The following HIBCH variants were observed in gnomAD, a reference collection of about 807,000 sequenced individuals.
The protein encoded by HIBCH is 3-hydroxyisobutyryl-CoA hydrolase, also known as 3-hydroxyisobutyryl-CoA hydrolase, mitochondrial.
In HIBCH, 50 loss-of-function variants were observed where a neutral mutation model predicts 58.2. That is an observed-to-expected ratio of 0.86 (90% CI 0.68 to 1.09). HIBCH has a LOEUF of 1.09. Among genes scored for constraint, HIBCH ranks in the 50% least tolerant of loss-of-function variants. HIBCH has a pLI of 0.00. For synonymous variants in HIBCH, 151 were observed against 146.9 expected, an observed-to-expected ratio of 1.03 and a Z score of -0.20; for missense variants, 450 against 449.7, an observed-to-expected ratio of 1.00 and a Z score of -0.01.
intron 11 of HIBCH, among the ~76,000 whole-genome samples, chr2:190,232,359 C>T (rs531527632): frequency 2.0e-5 from 3 of 152,302 alleles, no homozygotes; most frequent in Admixed American, 2.0e-4. Flanking sequence ...AGATTCAACA[C>T]CTACTTCCCT....
chr2:190,235,989 C>T (rs1408197069), intron 11 of HIBCH, among the ~76,000 whole-genome samples: 2 of 152,140 alleles, frequency 1.3e-5, no homozygotes, highest in Non-Finnish European at 2.9e-5. Context: ...ATATGAAATA[C>T]TTTGTCATAG....
intron 9 of HIBCH, among the ~76,000 whole-genome samples, chr2:190,248,687 C>A (rs969370719): frequency 1.3e-5 from 2 of 151,932 alleles, no homozygotes; most frequent in African/African-American, 4.8e-5. Flanking sequence ...CATGGTGAAA[C>A]CCTGTCTCTA....
chr2:190,233,465 G>A (rs1167415634), intron 11 of HIBCH, among the ~76,000 whole-genome samples: 2 of 152,152 alleles, frequency 1.3e-5, no homozygotes, highest in Non-Finnish European at 2.9e-5. Context: ...ATAAAAAGGA[G>A]TTTCCCTGCA....
intron 11 of HIBCH, among the ~76,000 whole-genome samples, chr2:190,227,495 A>G (rs1001984742): frequency 6.6e-6 from 1 of 152,232 alleles, no homozygotes; most frequent in Admixed American, 6.5e-5. Flanking sequence ...AATACCATTC[A>G]GGCCATAGGC....
chr2:190,196,539 C>CTT (rs1689986753), intron 1 of HIBCH, among the ~76,000 whole-genome samples: 1 of 142,294 alleles, frequency 7.0e-6, no homozygotes. Flanking sequence ...TTTTTTTTCC[C>CTT]TTGATTATGG....
At position 190,236,377 on chromosome 2, in the gene HIBCH, T is replaced by A. The variant is rs1453123169; in HGVS notation, c.891+8510A>T. Among the ~76,000 whole-genome samples the A allele has an allele frequency of 6.6e-6, 1 of 152,262 alleles. No individual in the cohort carries two copies. Among genetic ancestry groups the A allele is most frequent in the East Asian group, 1.9e-4 (1 of 5,202 alleles). ...TATACTCTGTTAGTTTTTAATTTTT[T>A]AAGCTAGTTTAAATCAAACATATTT... On this transcript the variant is annotated intron_variant, in intron 11 of 13. Transcript: ENST00000359678. The surrounding 1 kb of genome is among the most constrained non-coding windows in gnomAD (Gnocchi z 4.1).
intron 11 of HIBCH, among the ~76,000 whole-genome samples, chr2:190,232,685 A>T (rs1421839900): frequency 6.6e-6 from 1 of 152,188 alleles, no homozygotes; most frequent in Non-Finnish European, 1.5e-5. Context: ...GAGGCCGGGC[A>T]TGGTGGCTCA....
intron 11 of HIBCH, among the ~76,000 whole-genome samples, chr2:190,235,695 C>CT (rs1387656837): frequency 3.3e-5 from 5 of 152,170 alleles, no homozygotes; most frequent in African/African-American, 1.2e-4. Context: ...AAACATTTGT[C>CT]TAAGTATGTG....
intron 7 of HIBCH, among the ~76,000 whole-genome samples, chr2:190,255,752 C>T (rs968739707): frequency 6.6e-6 from 1 of 151,954 alleles, no homozygotes; most frequent in African/African-American, 2.4e-5. Flanking sequence ...CAACAGAGTA[C>T]CAGAGCGGAG....
At position 190,204,964 on chromosome 2, in the gene HIBCH, T is replaced by C. The variant is rs561270878; in HGVS notation, c.*153A>G. ...TTCTGATAATTTTCACGTCATGAATTATTAGTCTTTGATTTCTTTTCCCAA... is the reference window on the plus strand; with the variant it reads ...TTCTGATAATTTTCACGTCATGAATCATTAGTCTTTGATTTCTTTTCCCAA... On this transcript the variant is annotated 3_prime_UTR_variant, in exon 14 of 14. Transcript: ENST00000359678. 7 of 656,184 alleles carry C rather than the reference T, an allele frequency of 1.1e-5. No homozygotes were observed. The East Asian group carries it at 1.7e-4, about 15-fold the overall frequency. 40.6% of individuals were successfully genotyped at this position (656,184 alleles called of 1,614,324 possible). A position where few individuals can be genotyped will look rare whatever the true frequency, so the allele number is the denominator to read the frequency against.
Position 190,252,215 on chromosome 2 carries a change from C to G in HIBCH, c.610G>C (p.Gly204Arg). The G allele has an allele frequency of 6.2e-7, 1 of 1,613,918 alleles. No individual in the cohort carries two copies. The highest frequency in any genetic ancestry group is 8.5e-7 in the Non-Finnish European group (1 of 1,179,818). ...ATTCCTGCTCTGTACACATCTCTTC[C>G]TTTTAGTCTGAATCCTGTTAATGCA... The part of the protein sequence containing the change: ...FLALTGFRLK[G>R]RDVYRAGIAT... Residue 204 changes from glycine to arginine, a missense_variant, in exon 8 of 14, where the codon GGA becomes CGA. Gly to Arg is a moderately radical substitution (Grantham distance 125). Coordinates refer to ENST00000359678, the MANE Select transcript of HIBCH (RefSeq NM_014362.4).
intron 11 of HIBCH, among the ~76,000 whole-genome samples, chr2:190,244,160 C>CACACAT (rs1559030427): frequency 6.6e-6 from 1 of 151,520 alleles, no homozygotes; most frequent in African/African-American, 2.4e-5. Flanking sequence ...CACACACACA[C>CACACAT]ATATATATAC....
intron 11 of HIBCH, among the ~76,000 whole-genome samples, chr2:190,229,059 G>A (rs1686012482): frequency 6.6e-6 from 1 of 152,116 alleles, no homozygotes; most frequent in Non-Finnish European, 1.5e-5. Context: ...AAGTCTCCCA[G>A]AACACCCAAT....
chr2:190,272,847 G>T (rs550089640), intron 6 of HIBCH, among the ~76,000 whole-genome samples: 1 of 152,008 alleles, frequency 6.6e-6, no homozygotes, highest in South Asian at 2.1e-4. Context: ...GGGCTAAAGG[G>T]TAGATGGAAA....
In HIBCH at chr2:190,290,445, T is replaced by C. The variant is rs146755564; in HGVS notation, c.345A>G (p.Pro115=). ...GCATATATTCTTCTCTGAAGAAAAC[T>C]GGAGCTATCTTCTGTTTTGCCTTTT... ...EAEKAKQKIA[P]VFFREEYMLN... Residue 115 remains proline, a synonymous_variant, in exon 5 of 14, where the codon CCA becomes CCG. Coordinates refer to ENST00000359678, the MANE Select transcript of HIBCH (RefSeq NM_014362.4). 4.3e-6 allele frequency: 7 copies of C among 1,612,118 alleles called. No individual in the cohort carries two copies. The Admixed American group carries it at 6.7e-5, about 15-fold the overall frequency.
At chr2:190,294,847 C>G (rs1355596166) in intron 3 of HIBCH, among the ~76,000 whole-genome samples, 1 of 152,084 alleles carries the variant, frequency 6.6e-6, no homozygotes, top group Non-Finnish European at 1.5e-5. Flanking sequence ...GAGGCTATTT[C>G]AAAAATGTTG....
At chr2:190,228,257 T>A (rs887282485) in intron 11 of HIBCH, among the ~76,000 whole-genome samples, 1 of 152,058 alleles carries the variant, frequency 6.6e-6, no homozygotes, top group East Asian at 1.9e-4. Context: ...TGTAGGGACA[T>A]GGATGAAGCT....
At position 190,206,218 on chromosome 2, in the gene HIBCH, A is replaced by G. The variant is rs1396607776; in HGVS notation, c.1046-986T>C. ...CTTTTACATACAATTAAATGCAGATACGGGAGGTTTGTTTTTAAGATTTAA... is the reference window on the plus strand; with the variant it reads ...CTTTTACATACAATTAAATGCAGATGCGGGAGGTTTGTTTTTAAGATTTAA... On this transcript the variant is annotated intron_variant, in intron 13 of 13. Coordinates refer to ENST00000359678, the MANE Select transcript of HIBCH (RefSeq NM_014362.4). The surrounding 1 kb of genome is among the most constrained non-coding windows in gnomAD (Gnocchi z 5.1). Among the ~76,000 whole-genome samples, 1 of 152,216 alleles carries G rather than the reference A, an allele frequency of 6.6e-6. No homozygotes were observed. Among genetic ancestry groups the G allele is most frequent in the Middle Eastern group, 3.2e-3 (1 of 316 alleles).
chr2:190,229,677 A>C (rs1433407315), intron 11 of HIBCH, among the ~76,000 whole-genome samples: 1 of 152,226 alleles, frequency 6.6e-6, no homozygotes, highest in Non-Finnish European at 1.5e-5. Context: ...AAATTTTTTT[A>C]AACACTTGCA....
Sources: allele counts gnomAD v4.1 joint callset (sites outside exome capture counted in the v4.1 genomes callset), GRCh38; gene constraint gnomAD v4.1.1; non-coding constraint Gnocchi (gnomAD v3.1); transcripts MANE v1.5; gene names NCBI Gene and HGNC (gene_info 2026-07-23, HGNC 2026-07-21).